Variants in ANO1 observed in about 807,000 individuals in gnomAD.
ANO1 encodes anoctamin-1.
ANO1 carries 59 observed loss-of-function variants against 124.0 expected under a neutral mutation model. The observed-to-expected ratio is 0.48, with a 90% CI of 0.39 to 0.59. The LOEUF is 0.59. ANO1 is among the 20% of genes least tolerant of loss of function. The pLI is 0.00. For synonymous variants in ANO1, 529 were observed against 532.0 expected, an observed-to-expected ratio of 0.99 and a Z score of 0.08; for missense variants, 1,059 against 1,328.0, an observed-to-expected ratio of 0.80 and a Z score of 3.15.
rs112993329 is a variant in ANO1, at chr11:70,016,330, G to C, written c.58+30164G>C. ...CATAAGCCACCGTGCCAGGCCTGAC[G>C]TCCTTGCAATTTCTATGTGCATTTT... On this transcript the variant is annotated intron_variant, in intron 1 of 27. Transcript: ENST00000531349. 2.0e-5 allele frequency: 3 copies of C among 152,254 alleles called. No individual in the cohort carries two copies. The South Asian group carries it at 6.2e-4, about 32-fold the overall frequency. The allele number at this position is 152,254 out of a possible 1,614,324, so 9.4% of individuals were successfully genotyped here.
chr11:70,175,145 C>T (rs1356773599), intron 22 of ANO1, among the ~76,000 whole-genome samples: 1 of 152,228 alleles, frequency 6.6e-6, no homozygotes, highest in Non-Finnish European at 1.5e-5. Context: ...AGCAGCAGCT[C>T]AGTGGCCCTG....
At chr11:70,086,836 A>T (rs180897909) in intron 1 of ANO1, among the ~76,000 whole-genome samples, 3 of 152,280 alleles carry the variant, frequency 2.0e-5, no homozygotes, top group East Asian at 3.9e-4. Context: ...GGCACCTGAG[A>T]TCACCTCCCA....
chr11:70,189,099 G>A lies in ANO1; in HGVS notation c.*1095G>A, dbSNP rs1464180969. 1 of 152,494 alleles carries A rather than the reference G, an allele frequency of 6.6e-6. No individual in the cohort carries two copies. Among genetic ancestry groups the A allele is most frequent in the Non-Finnish European group, 1.5e-5 (1 of 68,008 alleles). 9.4% of individuals were successfully genotyped at this position (152,494 alleles called of 1,614,324 possible). ...TCACTGTTGGACAATTATTTTAAAA[G>A]TGTATAAAACCAAGTCTCATAAATG... On this transcript the variant is annotated 3_prime_UTR_variant, in exon 26 of 26. Transcript: ENST00000355303.
chr11:70,028,866 C>T (rs1342260074), intron 1 of ANO1, among the ~76,000 whole-genome samples: 6 of 152,196 alleles, frequency 3.9e-5, no homozygotes, highest in African/African-American at 4.8e-5. Context: ...ACTGCAACCT[C>T]TGCCTCCTGG....
chr11:70,155,869 C>T (rs150390786), intron 14 of ANO1, 42 bp from the exon 15 acceptor site: 5 of 1,504,520 alleles, frequency 3.3e-6, no homozygotes, highest in East Asian at 2.6e-5. Flanking sequence ...TGCCGCCTCC[C>T]ACTTCACCGC....
chr11:70,150,710 T>C (rs1286031170), intron 12 of ANO1, among the ~76,000 whole-genome samples: 1 of 152,140 alleles, frequency 6.6e-6, no homozygotes, highest in Non-Finnish European at 1.5e-5. Flanking sequence ...AATTGTTTAA[T>C]TTTTTTGTAA....
At chr11:70,110,809 A>G (rs1289580800) in intron 6 of ANO1, among the ~76,000 whole-genome samples, 5 of 152,198 alleles carry the variant, frequency 3.3e-5, no homozygotes, top group Non-Finnish European at 7.4e-5. Flanking sequence ...CCCACGATGT[A>G]TTTGGAGCAA....
chr11:70,135,036 G>GC (rs946088528), intron 11 of ANO1, among the ~76,000 whole-genome samples: 20 of 152,136 alleles, frequency 1.3e-4, no homozygotes, highest in Admixed American at 9.8e-4. Flanking sequence ...GTCGGAGACC[G>GC]CAAGTCTAAG....
At chr11:70,058,905 C>T (rs965495915) in intron 1 of ANO1, among the ~76,000 whole-genome samples, 5 of 151,974 alleles carry the variant, frequency 3.3e-5, no homozygotes, top group East Asian at 3.9e-4. Context: ...TATTGTCCGC[C>T]GAGTGCGGTG....
At position 70,153,187 on chromosome 11, in the gene ANO1, T is replaced by C. The variant is rs1002817163; in HGVS notation, c.1425+59T>C. The C allele has an allele frequency of 3.2e-5, 46 of 1,423,790 alleles. No homozygotes were observed. The African/African-American group carries it at 5.8e-4, about 18-fold the overall frequency. The allele number at this position is 1,423,790 out of a possible 1,614,324, so 88.2% of individuals were successfully genotyped here. On this transcript the variant is annotated intron_variant, in intron 14 of 25. Transcript: ENST00000355303. Reference sequence around the variant, plus strand: ...AATAAAACACTGTGTTCATCAACCATGTAGACCTGGGATCAGCCCAGAGAA... The same window carrying C: ...AATAAAACACTGTGTTCATCAACCACGTAGACCTGGGATCAGCCCAGAGAA...
At chr11:70,137,623 G>T (rs1218675718) in intron 11 of ANO1, among the ~76,000 whole-genome samples, 1 of 145,806 alleles carries the variant, frequency 6.9e-6, no homozygotes, top group African/African-American at 2.4e-5. Flanking sequence ...CCACTTGACG[G>T]TCACTGGATT....
intron 1 of ANO1, among the ~76,000 whole-genome samples, chr11:70,021,503 G>T (rs1856808839): frequency 6.6e-6 from 1 of 150,986 alleles, no homozygotes; most frequent in Non-Finnish European, 1.5e-5. Context: ...TCTATCAGAA[G>T]AAATTAAACA....
Position 70,109,473 on chromosome 11 carries a change from G to A in ANO1, c.799+1069G>A, listed in dbSNP as rs866078187. Among the ~76,000 whole-genome samples the A allele has an allele frequency of 1.7e-4, 26 of 152,302 alleles. No individual in the cohort carries two copies. In the Middle Eastern group the frequency reaches 0.01, roughly 60 times the overall value. ...CATGTCCTAAGGCAAGGGGAGTGTG[G>A]AGGAGTCCCATCCAGGGTCAAAAGG... On this transcript the variant is annotated intron_variant, in intron 6 of 25. Transcript: ENST00000355303.
the ANO1 span, among the ~76,000 whole-genome samples, chr11:69,979,719 A>G: frequency 1.3e-5 from 2 of 152,164 alleles, no homozygotes; most frequent in African/African-American, 4.8e-5. Context: ...CCCAGCCATG[A>G]GTGTCCTGCA....
chr11:70,050,767 T>A (rs948657163), intron 1 of ANO1, among the ~76,000 whole-genome samples: 15 of 152,172 alleles, frequency 9.9e-5, no homozygotes, highest in African/African-American at 3.4e-4. Context: ...TGGGTTCAAA[T>A]CCTACTCTGC....
At chr11:70,185,767 G>A (rs1437074088) in intron 25 of ANO1, 72 bp downstream of exon 25, 5 of 1,502,118 alleles carry the variant, frequency 3.3e-6, no homozygotes, top group Non-Finnish European at 3.7e-6. Flanking sequence ...CCTACAGTCT[G>A]GAAGTCAGGA....
At chr11:70,032,788 C>T (rs1162258762) in intron 1 of ANO1, among the ~76,000 whole-genome samples, 1 of 151,440 alleles carries the variant, frequency 6.6e-6, no homozygotes, top group African/African-American at 2.4e-5. Flanking sequence ...GATGCAGGTT[C>T]TTTGTAAAAG....
At chr11:70,179,482 G>A (rs2048855828) in intron 22 of ANO1, among the ~76,000 whole-genome samples, 1 of 152,184 alleles carries the variant, frequency 6.6e-6, no homozygotes, top group Admixed American at 6.5e-5. Flanking sequence ...GTGCACCCCT[G>A]GGTCTTGGAG....
intron 7 of ANO1, among the ~76,000 whole-genome samples, chr11:70,115,560 C>T (rs2045943428): frequency 1.3e-5 from 2 of 151,896 alleles, no homozygotes; most frequent in Admixed American, 6.6e-5. Context: ...TGCAGTGAGC[C>T]GAGATCATGC....
Sources: gnomAD v4.1 joint callset for allele counts (sites outside exome capture counted in the v4.1 genomes callset) on GRCh38, gnomAD v4.1.1 for gene constraint, MANE v1.5 for transcripts, NCBI Gene and HGNC (gene_info 2026-07-23, HGNC 2026-07-21) for gene names.